The following RBM19 variants were observed in gnomAD, a reference collection of about 807,000 sequenced individuals.
The protein encoded by RBM19 is probable RNA-binding protein 19.
A neutral mutation model predicts 116.8 loss-of-function variants in RBM19; 94 were observed. The ratio of observed to expected loss-of-function variants is 0.80; its 90% CI spans 0.68 to 0.95. The LOEUF is 0.95. RBM19 is among the 40% of genes least tolerant of loss of function. RBM19 has a pLI of 0.00. For missense variants in RBM19, 1,161 were observed against 1,220.7 expected, an observed-to-expected ratio of 0.95 and a Z score of 0.73; for synonymous variants, 475 against 494.1, an observed-to-expected ratio of 0.96 and a Z score of 0.51.
At chr12:113,851,743 T>C (rs892936525) in intron 22 of RBM19, among the ~76,000 whole-genome samples, 3 of 151,820 alleles carry the variant, frequency 2.0e-5, no homozygotes, top group Admixed American at 6.6e-5. Context: ...AGTTTTTTTT[T>C]TTTTTTTTAA....
chr12:113,937,394 GC>G (rs34496888), intron 15 of RBM19: 1 of 325,648 alleles, frequency 3.1e-6, no homozygotes, highest in Non-Finnish European at 5.6e-6. Context: ...CAGCTCCCAG[GC>G]CCCCTTTGTG....
intron 13 of RBM19, among the ~76,000 whole-genome samples, chr12:113,943,047 C>A (rs1870717656): frequency 6.6e-6 from 1 of 152,196 alleles, no homozygotes; most frequent in African/African-American, 2.4e-5. Context: ...AGGGCTCCTG[C>A]AGTTGTTGAC....
chr12:113,848,272 T>A (rs779672377), intron 22 of RBM19, among the ~76,000 whole-genome samples: 9 of 152,166 alleles, frequency 5.9e-5, no homozygotes, highest in African/African-American at 9.7e-5. Context: ...ACACAAAAGC[T>A]CTTTTGTATT....
chr12:113,897,837 A>G (rs1305020884), intron 21 of RBM19, among the ~76,000 whole-genome samples: 1 of 152,138 alleles, frequency 6.6e-6, no homozygotes, highest in Non-Finnish European at 1.5e-5. Context: ...TTCCCTCTTC[A>G]CTGAGCAACC....
rs529096071 is a variant in RBM19, at chr12:113,903,390, C to T, written c.2558+11579G>A. 6.6e-6 allele frequency among the ~76,000 whole-genome samples: 1 copy of T among 152,312 alleles called. No individual in the cohort carries two copies. Among genetic ancestry groups the T allele is most frequent in the South Asian group, 2.1e-4 (1 of 4,818 alleles). ...CGAATAACATTCCATTGTATGAATA[C>T]ACCCCATTTTGTTTATCCACTCATC... On this transcript the variant is annotated intron_variant, in intron 21 of 23. Transcript: ENST00000261741. This position sits in a 1 kb window ranked among gnomAD's most constrained non-coding sequence, Gnocchi z 5.1.
intron 21 of RBM19, among the ~76,000 whole-genome samples, chr12:113,897,447 T>G (rs1881413963): frequency 6.6e-6 from 1 of 152,344 alleles, no homozygotes; most frequent in Non-Finnish European, 1.5e-5. Context: ...ATTACAGGTG[T>G]GAGTCATGGC....
At chr12:113,947,215 AT>A in intron 11 of RBM19, 118 bp downstream of exon 11, 1 of 1,320,408 alleles carries the variant, frequency 7.6e-7, no homozygotes, top group Non-Finnish European at 1.0e-6. Flanking sequence ...GCCATTGCAC[AT>A]TTTCTTAGGC....
intron 18 of RBM19, 38 bp from the exon 19 acceptor site, chr12:113,920,728 G>A: frequency 6.3e-7 from 1 of 1,586,848 alleles, no homozygotes. Flanking sequence ...AGTCGGTGAA[G>A]CGGAAGCACA....
At chr12:113,947,258 AC>A in intron 11 of RBM19, 75 bp downstream of exon 11, 1 of 1,119,972 alleles carries the variant, frequency 8.9e-7, no homozygotes, top group Non-Finnish European at 1.2e-6. Context: ...CCACACACAT[AC>A]ACACACACAC....
chr12:113,817,790 C>T (rs897134308), downstream of RBM19: 1 of 152,440 alleles, frequency 6.6e-6, no homozygotes, highest in African/African-American at 2.4e-5. Context: ...CTTGAGACCC[C>T]CCAGTTGAAA....
At chr12:113,886,798 T>G (rs1593534811) in intron 21 of RBM19, among the ~76,000 whole-genome samples, 1 of 152,218 alleles carries the variant, frequency 6.6e-6, no homozygotes, top group Admixed American at 6.5e-5. Flanking sequence ...GAGAATCCAT[T>G]AGTTCCAACT....
chr12:113,861,995 G>A (rs914672522), intron 21 of RBM19, among the ~76,000 whole-genome samples: 1 of 152,164 alleles, frequency 6.6e-6, no homozygotes, highest in Non-Finnish European at 1.5e-5. Context: ...TCAGAGAAAT[G>A]GCTACAGTGA....
At chr12:113,868,309 TAC>T (rs1215072088) in intron 21 of RBM19, among the ~76,000 whole-genome samples, 25 of 152,150 alleles carry the variant, frequency 1.6e-4, no homozygotes, top group African/African-American at 6.0e-4. Context: ...GATCTGTGCG[TAC>T]AGTTTAGAAG....
intron 21 of RBM19, among the ~76,000 whole-genome samples, chr12:113,886,800 G>C (rs189444322): frequency 7.9e-5 from 12 of 152,292 alleles, no homozygotes; most frequent in African/African-American, 2.6e-4. Flanking sequence ...GAATCCATTA[G>C]TTCCAACTTT....
At chr12:113,908,702 G>A (rs900654494) in intron 21 of RBM19, among the ~76,000 whole-genome samples, 7 of 152,026 alleles carry the variant, frequency 4.6e-5, no homozygotes, top group African/African-American at 1.4e-4. Flanking sequence ...GGAGTTCCAG[G>A]GCGATAAGTG....
rs1037756704 is a variant in RBM19 at position 113,855,106 on chromosome 12, C to T, written c.2664+3685G>A. ...GCCCTCGAGGATATGCACAGTGGGACGTGGGTCTCATGGAGAAGGGTCAGA... is the reference window on the plus strand; with the variant it reads ...GCCCTCGAGGATATGCACAGTGGGATGTGGGTCTCATGGAGAAGGGTCAGA... On this transcript the variant is annotated intron_variant, in intron 22 of 23. Coordinates refer to ENST00000261741, the MANE Select transcript of RBM19 (RefSeq NM_016196.4). Among the ~76,000 whole-genome samples the T allele has an allele frequency of 9.2e-5, 14 of 152,162 alleles. No individual in the cohort carries two copies. The East Asian group carries it at 9.6e-4, about 10-fold the overall frequency.
chr12:113,896,327 C>G (rs36028683), intron 21 of RBM19, among the ~76,000 whole-genome samples: 2 of 152,124 alleles, frequency 1.3e-5, no homozygotes, highest in African/African-American at 4.8e-5. Flanking sequence ...CGGAATGCAG[C>G]GGCCCCATCA....
chr12:113,949,325 C>T (rs1316919014), intron 9 of RBM19, among the ~76,000 whole-genome samples: 4 of 152,204 alleles, frequency 2.6e-5, no homozygotes, highest in African/African-American at 9.6e-5. Context: ...GGGCTGTATT[C>T]TCTGGCACTG....
intron 15 of RBM19, among the ~76,000 whole-genome samples, chr12:113,937,570 C>G (rs892642243): frequency 7.2e-5 from 11 of 151,854 alleles, no homozygotes; most frequent in African/African-American, 2.7e-4. Context: ...CGGGCAACAC[C>G]TGTATACGTG....
Sources: gnomAD v4.1 joint callset for allele counts (sites outside exome capture counted in the v4.1 genomes callset) on GRCh38, gnomAD v4.1.1 for gene constraint, Gnocchi (gnomAD v3.1) non-coding constraint, MANE v1.5 for transcripts, NCBI Gene and HGNC (gene_info 2026-07-23, HGNC 2026-07-21) for gene names.